The following TSTD2 variants were observed in gnomAD, a reference collection of about 807,000 sequenced individuals.
TSTD2 encodes thiosulfate sulfurtransferase/rhodanese-like domain-containing protein 2.
A neutral mutation model predicts 47.9 loss-of-function variants in TSTD2; 37 were observed. The observed-to-expected ratio is 0.77, with a 90% CI of 0.59 to 1.02. The LOEUF (loss-of-function observed/expected upper bound fraction) is 1.02. Among genes scored for constraint, TSTD2 ranks in the 50% least tolerant of loss-of-function variants. The pLI, the probability that TSTD2 is intolerant of heterozygous loss-of-function variation, is 0.00. For missense variants in TSTD2, 586 were observed against 616.0 expected (o/e 0.95, Z 0.52); for synonymous variants, 201 against 215.9 (o/e 0.93, Z 0.61).
chr9:97,611,432 A>G (rs1038275943), intron 5 of TSTD2, 142 bp downstream of exon 5: 7 of 1,006,410 alleles, frequency 7.0e-6, no homozygotes, highest in Admixed American at 3.1e-5. Context: ...AAAACAAAAA[A>G]ACTCCCCAAG....
At chr9:97,605,762 A>C in intron 7 of TSTD2, 121 bp from the exon 8 acceptor site, 41 of 1,273,754 alleles carry the variant, frequency 3.2e-5, no homozygotes, top group Non-Finnish European at 4.3e-5. Flanking sequence ...TGCTAATCTC[A>C]TCCCCACTCT....
intron 1 of TSTD2, among the ~76,000 whole-genome samples, chr9:97,630,750 A>C (rs905953808): frequency 6.6e-6 from 1 of 152,236 alleles, no homozygotes; most frequent in Non-Finnish European, 1.5e-5. Context: ...TGATGAGTAC[A>C]TGGGGTTTCA....
intron 1 of TSTD2, among the ~76,000 whole-genome samples, chr9:97,629,296 G>T (rs1195262883): frequency 6.6e-6 from 1 of 152,192 alleles, no homozygotes; most frequent in Non-Finnish European, 1.5e-5. Flanking sequence ...AACAATGCTG[G>T]ATAGGACTGA....
chr9:97,613,222 C>A (rs897320194), intron 4 of TSTD2, among the ~76,000 whole-genome samples: 1 of 152,178 alleles, frequency 6.6e-6, no homozygotes, highest in Admixed American at 6.5e-5. Flanking sequence ...TCCTAAAGCA[C>A]AGAGTACATC....
rs758100219 is a variant in TSTD2 at position 97,625,769 on chromosome 9, T to C, written c.394A>G (p.Asn132Asp). 1.3e-5 allele frequency: 21 copies of C among 1,614,194 alleles called. No individual in the cohort carries two copies. The Admixed American group carries it at 2.7e-4, about 20-fold the overall frequency. The change falls in exon 3 of 10, where the codon AAC (asparagine) becomes GAC (aspartate). Residue 132 changes from asparagine to aspartate, a missense_variant. Asn to Asp is a conservative substitution (Grantham distance 23). Transcript: ENST00000341170. ...SKSLSSADEKNPLKECLPHSH... is the reference protein window; with the variant it reads ...SKSLSSADEKDPLKECLPHSH... Reference sequence around the variant, plus strand: ...TGTGGAAGGCACTCTTTTAAAGGGTTCTTTTCATCTGCAGACGAAAGACTC... The same window carrying C: ...TGTGGAAGGCACTCTTTTAAAGGGTCCTTTTCATCTGCAGACGAAAGACTC...
At chr9:97,613,281 G>A (rs1826488172) in intron 4 of TSTD2, among the ~76,000 whole-genome samples, 1 of 152,184 alleles carries the variant, frequency 6.6e-6, no homozygotes, top group South Asian at 2.1e-4. Context: ...GGTGTTTGGA[G>A]GACAGCCTAC....
In TSTD2 at chr9:97,604,747, T is replaced by C; in HGVS notation, c.1232A>G (p.Tyr411Cys). Residue 411 changes from tyrosine (Y) to cysteine (C), a missense_variant, in exon 9 of 10, where the codon TAC becomes TGC. By Grantham distance (194) the Tyr-to-Cys change is radical (BLOSUM62 -2). Coordinates refer to ENST00000341170, the MANE Select transcript of TSTD2 (RefSeq NM_139246.5). ...CCTACCTGACACCACATCACTGTTG[T>C]AGGACAGAGCATAGCGTTCATCAAA... ...FVFDERYALS[Y>C]NSDVVSECSY... The C allele has an allele frequency of 1.2e-6, 2 of 1,614,220 alleles. No homozygotes were observed. Among genetic ancestry groups the C allele is most frequent in the Non-Finnish European group, 1.7e-6 (2 of 1,180,036 alleles).
At position 97,605,581 on chromosome 9, in the gene TSTD2, C is replaced by T. The variant is rs754264795; in HGVS notation, c.1015G>A (p.Val339Ile). The T allele has an allele frequency of 7.4e-6, 12 of 1,614,228 alleles. No individual in the cohort carries two copies. Among genetic ancestry groups the T allele is most frequent in the Admixed American group, 1.7e-5 (1 of 60,028 alleles). ...IRKFSYFPSY[V>I]DKNLELFREK... is the part of the protein sequence containing the mutation. ...CTGAAAAGTTCTAGATTTTTGTCAA[C>T]GTAGCTAGGGAAGTAACTGAATTTC... Residue 339 changes from valine (V) to isoleucine (I), a missense_variant, in exon 8 of 10, where the codon GTT becomes ATT. Transcript: ENST00000341170.
chr9:97,623,792 G>C (rs1281139789), intron 3 of TSTD2, among the ~76,000 whole-genome samples: 4 of 152,150 alleles, frequency 2.6e-5, no homozygotes, highest in Non-Finnish European at 4.4e-5. Context: ...GGGAAGCAGA[G>C]GTTGAAGTGA....
chr9:97,608,782 G>A (rs528651908), intron 6 of TSTD2, among the ~76,000 whole-genome samples: 1 of 152,320 alleles, frequency 6.6e-6, no homozygotes, highest in South Asian at 2.1e-4. Context: ...GGAACAGTAA[G>A]CAGACAACAG....
chr9:97,621,350 C>A (rs1445582680), intron 3 of TSTD2, among the ~76,000 whole-genome samples: 2 of 151,574 alleles, frequency 1.3e-5, no homozygotes, highest in African/African-American at 4.9e-5. Flanking sequence ...ATTGCACAAA[C>A]TGTTTGTAAA....
chr9:97,605,056 C>T (rs1210539713), intron 8 of TSTD2, among the ~76,000 whole-genome samples, 191 bp from the exon 9 acceptor site: 3 of 152,160 alleles, frequency 2.0e-5, no homozygotes, highest in East Asian at 3.9e-4. Flanking sequence ...ACCAACTGGC[C>T]AGATCTTGCC....
At chr9:97,627,157 G>T in intron 2 of TSTD2, 1 of 586,582 alleles carries the variant, frequency 1.7e-6, no homozygotes. Flanking sequence ...TGACCTGGGG[G>T]GTGGGGAATG....
intron 3 of TSTD2, among the ~76,000 whole-genome samples, chr9:97,618,788 T>G (rs953466179): frequency 2.0e-5 from 3 of 152,136 alleles, no homozygotes; most frequent in African/African-American, 7.2e-5. Flanking sequence ...GGAGTCTGAG[T>G]CCCTCCTCAA....
intron 3 of TSTD2, among the ~76,000 whole-genome samples, chr9:97,620,380 G>A (rs147547222): frequency 0.025 from 3,779 of 152,186 alleles, 165 homozygotes; most frequent in African/African-American, 0.086. Context: ...TTTGTAAATT[G>A]CCCAGTCTTG....
Position 97,610,372 on chromosome 9 carries a change from G to A in TSTD2, c.809C>T (p.Pro270Leu). Reference protein sequence around the residue: ...FEEIVPMGISPKKISYKKPGI... With the variant: ...FEEIVPMGISLKKISYKKPGI... ...AGGCTTCTTGTAGGAGATCTTTTTG[G>A]GGCTGATCCCCATGGGCACGATTTC... is the stretch of plus-strand genomic sequence containing the variant. The change falls in exon 6 of 10, where the codon CCC becomes CTC. Residue 270 changes from proline (P) to leucine (L), a missense_variant. Coordinates refer to ENST00000341170, the MANE Select transcript of TSTD2 (RefSeq NM_139246.5). 2 of 1,603,362 alleles carry A rather than the reference G, an allele frequency of 1.2e-6. No individual in the cohort carries two copies. Among genetic ancestry groups the A allele is most frequent in the East Asian group, 4.6e-5 (2 of 43,916 alleles).
chr9:97,625,572 A>C, intron 3 of TSTD2, 109 bp downstream of exon 3: 1 of 1,033,206 alleles, frequency 9.7e-7, no homozygotes, highest in Non-Finnish European at 1.4e-6. Flanking sequence ...TTCACATTTG[A>C]CACAGTTGGT....
In TSTD2 at chr9:97,602,520, C is replaced by G. The variant is rs1032881836; in HGVS notation, c.1500G>C (p.Val500=). 1.2e-6 allele frequency: 2 copies of G among 1,613,980 alleles called. No homozygotes were observed. Among genetic ancestry groups the G allele is most frequent in the Non-Finnish European group, 1.7e-6 (2 of 1,179,892 alleles). ...CAGCATCAGGCCCTGGCTCTGGGCT[C>G]ACAGGCTGTCGCACATGCTGCAAGA... ...RELLQHVRQP[V]SPEPGPDADE... The change falls in exon 10 of 10, where the codon GTG becomes GTC. Residue 500 remains valine (V), a synonymous_variant. Coordinates refer to ENST00000341170, the MANE Select transcript of TSTD2 (RefSeq NM_139246.5).
rs780651785 is a variant in TSTD2 at position 97,602,530 on chromosome 9, C to T, written c.1490G>A (p.Arg497Gln). 1.8e-5 allele frequency: 29 copies of T among 1,613,994 alleles called. No individual in the cohort carries two copies. Among genetic ancestry groups the T allele is most frequent in the Admixed American group, 5.0e-5 (3 of 60,012 alleles). The change falls in exon 10 of 10, where the codon CGA becomes CAA. Residue 497 changes from arginine to glutamine, a missense_variant. Arg to Gln is a conservative substitution (Grantham distance 43). Coordinates refer to ENST00000341170, the MANE Select transcript of TSTD2 (RefSeq NM_139246.5). ...RIPRELLQHVRQPVSPEPGPD... is the reference protein window; with the variant it reads ...RIPRELLQHVQQPVSPEPGPD... ...CCCTGGCTCTGGGCTCACAGGCTGT[C>T]GCACATGCTGCAAGAGTTCCCTAGG...
Sources: allele counts gnomAD v4.1 joint callset (sites outside exome capture counted in the v4.1 genomes callset), GRCh38; gene constraint gnomAD v4.1.1; transcripts MANE v1.5; gene names NCBI Gene and HGNC (gene_info 2026-07-23, HGNC 2026-07-21).